PITPNM2: variants seen among roughly 807,000 people sequenced by gnomAD.
The protein encoded by PITPNM2 is membrane-associated phosphatidylinositol transfer protein 2.
Under a neutral mutation model 132.2 loss-of-function variants are expected in PITPNM2, and 35 were observed. That is an observed-to-expected ratio of 0.26 (90% CI 0.20 to 0.35). PITPNM2 has a LOEUF of 0.35. Ranked by LOEUF, PITPNM2 falls within the 10% of genes least tolerant of loss-of-function variation. The pLI is 1.00. For synonymous variants in PITPNM2, 738 were observed against 799.2 expected (o/e 0.92, Z 1.29); for missense variants, 1,332 against 1,912.0 (o/e 0.70, Z 5.66).
At chr12:123,030,047 C>CT (rs1375196911) in intron 3 of PITPNM2, among the ~76,000 whole-genome samples, 1 of 117,064 alleles carries the variant, frequency 8.5e-6, no homozygotes, top group Non-Finnish European at 2.0e-5. Context: ...TGACAGGAAA[C>CT]TGCGAGGATT....
chr12:123,123,245 C>T (rs1288601140), intron 1 of PITPNM2, among the ~76,000 whole-genome samples: 1 of 152,170 alleles, frequency 6.6e-6, no homozygotes, highest in East Asian at 1.9e-4. Flanking sequence ...GAACCATCTG[C>T]AGGATTTATG....
rs892559730 is a variant in PITPNM2, at chr12:123,072,688, T to A, written c.-96+37697A>T. On this transcript the variant is annotated intron_variant, in intron 2 of 25. Coordinates refer to ENST00000320201, the MANE Select transcript of PITPNM2 (RefSeq NM_020845.3). Reference sequence around the variant, plus strand: ...GCTCCCTGTCAACAGCTGCTCAAGGTTTTGAGGTTAAACATTCATCTGAAA... The same window carrying A: ...GCTCCCTGTCAACAGCTGCTCAAGGATTTGAGGTTAAACATTCATCTGAAA... Among the ~76,000 whole-genome samples, 8 of 152,170 alleles carry A rather than the reference T, an allele frequency of 5.3e-5. 1 individual carries two copies. Among genetic ancestry groups the A allele is most frequent in the African/African-American group, 1.9e-4 (8 of 41,438 alleles).
At position 123,036,356 on chromosome 12, in the gene PITPNM2, A is replaced by T. The variant is rs1054137306; in HGVS notation, c.-95-1671T>A. 4.6e-5 allele frequency among the ~76,000 whole-genome samples: 7 copies of T among 152,202 alleles called. No homozygotes were observed. Among genetic ancestry groups the T allele is most frequent in the Non-Finnish European group, 7.3e-5 (5 of 68,036 alleles). ...TCCATCCCTTGTGCTAGCCTAAAACAGCGGCTCCCAGTTGTTTAGTTCACA... is the reference window on the plus strand; with the variant it reads ...TCCATCCCTTGTGCTAGCCTAAAACTGCGGCTCCCAGTTGTTTAGTTCACA... On this transcript the variant is annotated intron_variant, in intron 2 of 25. Coordinates refer to ENST00000320201, the MANE Select transcript of PITPNM2 (RefSeq NM_020845.3). This position sits in a 1 kb window ranked among gnomAD's most constrained non-coding sequence, Gnocchi z 4.1.
rs143524081 is a variant in PITPNM2 at position 123,024,311 on chromosome 12, T to C, written c.78+10202A>G. On this transcript the variant is annotated intron_variant, in intron 3 of 25. Transcript: ENST00000320201. ...AGGGTGTGGAGCAATGGAACCCTCG[T>C]ACATTGATGGTGGGAACGTAAAATG... Among the ~76,000 whole-genome samples, 454 of 152,274 alleles carry C rather than the reference T, an allele frequency of 3.0e-3. 2 individuals are homozygous for C. Among genetic ancestry groups the C allele is most frequent in the Non-Finnish European group, 5.0e-3 (338 of 68,024 alleles).
At chr12:123,123,161 A>T (rs1236207952) in intron 1 of PITPNM2, among the ~76,000 whole-genome samples, 2 of 152,198 alleles carry the variant, frequency 1.3e-5, no homozygotes, top group Non-Finnish European at 2.9e-5. Flanking sequence ...GGTTTAACAC[A>T]TGATGGTCCA....
In PITPNM2 at chr12:122,990,908, G is replaced by A. The variant is rs576510886; in HGVS notation, c.2405-199C>T. Among the ~76,000 whole-genome samples the A allele has an allele frequency of 2.6e-5, 4 of 152,272 alleles. No individual in the cohort carries two copies. The South Asian group carries it at 8.3e-4, about 32-fold the overall frequency. On this transcript the variant is annotated intron_variant, in intron 16 of 25. Coordinates refer to ENST00000320201, the MANE Select transcript of PITPNM2 (RefSeq NM_020845.3). The stretch of plus-strand genomic sequence containing the variant: ...GTGAGGAGGAGGGCTGGGGCAGGGT[G>A]GACTGACGAATGGACACAGACACAG...
intron 2 of PITPNM2, among the ~76,000 whole-genome samples, chr12:123,109,684 C>T (rs1299863354): frequency 1.3e-5 from 2 of 152,234 alleles, no homozygotes; most frequent in Non-Finnish European, 2.9e-5. Flanking sequence ...AGAAGCATAA[C>T]TCCTGCCTGT....
rs559564917 is a variant in PITPNM2, at chr12:123,076,663, T to C, written c.-96+33722A>G. Among the ~76,000 whole-genome samples the C allele has an allele frequency of 2.6e-5, 4 of 152,348 alleles. No homozygotes were observed. The South Asian group carries it at 6.2e-4, about 24-fold the overall frequency. ...CTGGAACATCTAGACTTCTCTGCAG[T>C]CAGCCCTCCAAGTTGAGTGCCTCTT... On this transcript the variant is annotated intron_variant, in intron 2 of 25. Coordinates refer to ENST00000320201, the MANE Select transcript of PITPNM2 (RefSeq NM_020845.3).
chr12:123,004,077 G>A lies in PITPNM2; in HGVS notation c.1048+317C>T, dbSNP rs1018901766. Among the ~76,000 whole-genome samples the A allele has an allele frequency of 3.3e-5, 5 of 152,156 alleles. No individual in the cohort carries two copies. Among genetic ancestry groups the A allele is most frequent in the South Asian group, 2.1e-4 (1 of 4,834 alleles). ...CTTCCATGGAAATAAATTCACATAC[G>A]GAATAAAGCCCTAGTCTGATGGTGT... On this transcript the variant is annotated intron_variant, in intron 8 of 25. Transcript: ENST00000320201. This position sits in a 1 kb window ranked among gnomAD's most constrained non-coding sequence, Gnocchi z 4.9.
At chr12:123,030,637 G>A (rs1592958368) in intron 3 of PITPNM2, among the ~76,000 whole-genome samples, 2 of 151,702 alleles carry the variant, frequency 1.3e-5, no homozygotes, top group Admixed American at 1.3e-4. Context: ...AGCTTGCAGT[G>A]AGCTGAGATG....
At chr12:123,115,569 A>G (rs896759072) in intron 1 of PITPNM2, among the ~76,000 whole-genome samples, 1 of 151,796 alleles carries the variant, frequency 6.6e-6, no homozygotes, top group African/African-American at 2.4e-5. Flanking sequence ...ACACACATGC[A>G]CACACACACA....
intron 3 of PITPNM2, among the ~76,000 whole-genome samples, chr12:123,016,348 GCT>G (rs2039425321): frequency 6.7e-6 from 1 of 148,810 alleles, no homozygotes; most frequent in Non-Finnish European, 1.5e-5. Context: ...ATGAAATCTC[GCT>G]CTGTCACCAG....
In PITPNM2 at chr12:122,986,036, GC is replaced by G; in HGVS notation, c.4040del (p.Gly1347AlafsTer7). 7.1e-7 allele frequency: 1 copy of G among 1,402,040 alleles called. No individual in the cohort carries two copies. Among genetic ancestry groups the G allele is most frequent in the Non-Finnish European group, 9.2e-7 (1 of 1,090,048 alleles). 86.8% of individuals were successfully genotyped at this position (1,402,040 alleles called of 1,614,324 possible). A position where few individuals can be genotyped will look rare whatever the true frequency, so the allele number is the denominator to read the frequency against. ...CTGCACTCACGGTGCCCTACTTGGG[GC>G]CCGCGGCTGCCCCCGGCTCCAGGCG... ...TGRLEPGAAAGPK is the reference protein window; with the variant it reads ...TGRLEPGAAAXPK On this transcript the variant is annotated frameshift_variant, in exon 26 of 26. Coordinates refer to ENST00000320201, the MANE Select transcript of PITPNM2 (RefSeq NM_020845.3). LOFTEE classifies it high-confidence loss of function.
At chr12:123,050,410 T>G (rs916237424) in intron 2 of PITPNM2, among the ~76,000 whole-genome samples, 1 of 152,172 alleles carries the variant, frequency 6.6e-6, no homozygotes, top group Non-Finnish European at 1.5e-5. Context: ...GACTGAGTCA[T>G]TTGACAAGGC....
chr12:123,104,568 C>A (rs1378794224), intron 2 of PITPNM2, among the ~76,000 whole-genome samples: 1 of 152,152 alleles, frequency 6.6e-6, no homozygotes, highest in African/African-American at 2.4e-5. Context: ...CTCATCCTGG[C>A]TCAAAAAGCT....
At chr12:123,011,808 C>T (rs1423579749) in intron 5 of PITPNM2, among the ~76,000 whole-genome samples, 1 of 152,166 alleles carries the variant, frequency 6.6e-6, no homozygotes, top group Non-Finnish European at 1.5e-5. Context: ...GGGAAGAACC[C>T]ACCATGCTGT....
chr12:123,110,126 T>A (rs2042805880), intron 2 of PITPNM2, among the ~76,000 whole-genome samples: 1 of 151,796 alleles, frequency 6.6e-6, no homozygotes, highest in South Asian at 2.1e-4. Flanking sequence ...CCCAGTTAAT[T>A]TTTTTTTTCA....
At position 122,987,996 on chromosome 12, in the gene PITPNM2, G is replaced by A; in HGVS notation, c.2998-95C>T. 3 of 1,140,560 alleles carry A rather than the reference G, an allele frequency of 2.6e-6. No individual in the cohort carries two copies. The South Asian group carries it at 4.3e-5, about 16-fold the overall frequency. 70.7% of individuals were successfully genotyped at this position (1,140,560 alleles called of 1,614,324 possible). On this transcript the variant is annotated intron_variant, in intron 20 of 25. Coordinates refer to ENST00000320201, the MANE Select transcript of PITPNM2 (RefSeq NM_020845.3). Reference sequence around the variant, plus strand: ...CTCTGTGGGCCTGAGGGGCAGGCTTGAGCTGTGAGCTGCGCAGCCCATGTC... The same window carrying A: ...CTCTGTGGGCCTGAGGGGCAGGCTTAAGCTGTGAGCTGCGCAGCCCATGTC...
chr12:122,995,002 G>A, intron 14 of PITPNM2, 23 bp from the exon 15 acceptor site: 1 of 1,572,452 alleles, frequency 6.4e-7, no homozygotes, highest in Non-Finnish European at 8.6e-7. Flanking sequence ...ATAAGACTTA[G>A]CTGTCATGTG....
Sources: allele counts gnomAD v4.1 joint callset (sites outside exome capture counted in the v4.1 genomes callset), GRCh38; gene constraint gnomAD v4.1.1; non-coding constraint Gnocchi (gnomAD v3.1); transcripts MANE v1.5; gene names NCBI Gene and HGNC (gene_info 2026-07-23, HGNC 2026-07-21).